The following CAMK1D variants were observed in gnomAD, a reference collection of about 807,000 sequenced individuals.
CAMK1D encodes calcium/calmodulin-dependent protein kinase type 1D.
In CAMK1D, 9 loss-of-function variants were observed where a neutral mutation model predicts 47.7. That is an observed-to-expected ratio of 0.19 (90% CI 0.11 to 0.33). The LOEUF (loss-of-function observed/expected upper bound fraction) is 0.33. Ranked by LOEUF, CAMK1D falls within the 10% of genes least tolerant of loss-of-function variation. The pLI is 1.00. For synonymous variants in CAMK1D, 184 were observed against 184.9 expected, an observed-to-expected ratio of 0.99 and a Z score of 0.04; for missense variants, 291 against 488.7, an observed-to-expected ratio of 0.60 and a Z score of 3.81.
chr10:12,380,652 C>T (rs187107232), intron 1 of CAMK1D, among the ~76,000 whole-genome samples: 6 of 152,096 alleles, frequency 3.9e-5, no homozygotes, highest in East Asian at 1.9e-4. Flanking sequence ...GGTCAGAGAT[C>T]GAGACCATCC....
chr10:12,745,100 G>A (rs1302612463), intron 3 of CAMK1D, among the ~76,000 whole-genome samples: 3 of 152,196 alleles, frequency 2.0e-5, no homozygotes, highest in Non-Finnish European at 4.4e-5. Flanking sequence ...GCGCAATCTC[G>A]GCTCACTGCA....
At chr10:12,797,727 C>T (rs1164139636) in intron 6 of CAMK1D, among the ~76,000 whole-genome samples, 1 of 152,270 alleles carries the variant, frequency 6.6e-6, no homozygotes, top group East Asian at 1.9e-4. Context: ...CCATCACATT[C>T]TCTGCCGAGT....
chr10:12,468,644 C>G (rs1435435617), intron 1 of CAMK1D, among the ~76,000 whole-genome samples: 1 of 152,166 alleles, frequency 6.6e-6, no homozygotes, highest in Admixed American at 6.5e-5. Context: ...TGGGGAGGGG[C>G]CAGCCCTCTG....
At chr10:12,484,876 G>A (rs1834167770) in intron 1 of CAMK1D, among the ~76,000 whole-genome samples, 2 of 152,110 alleles carry the variant, frequency 1.3e-5, no homozygotes, top group African/African-American at 4.8e-5. Flanking sequence ...GGGCAGGTGT[G>A]ATGACCAGGA....
In CAMK1D at chr10:12,832,464, A is replaced by C. The variant is rs1349203165; in HGVS notation, c.*3577A>C. 1 of 152,228 alleles carries C rather than the reference A, an allele frequency of 6.6e-6. No homozygotes were observed. The highest frequency in any genetic ancestry group is 6.5e-5 in the Admixed American group (1 of 15,286). 9.4% of individuals were successfully genotyped at this position (152,228 alleles called of 1,614,324 possible). On this transcript the variant is annotated 3_prime_UTR_variant, in exon 11 of 11. Coordinates refer to ENST00000619168, the MANE Select transcript of CAMK1D (RefSeq NM_153498.4). The stretch of plus-strand genomic sequence containing the variant: ...GAGGAGAGACGGGGTTTGCTGTGTT[A>C]GAGAAATGGCAACCCCCAGGACCAT...
At chr10:12,756,416 C>T (rs900655336) in intron 3 of CAMK1D, among the ~76,000 whole-genome samples, 3 of 152,160 alleles carry the variant, frequency 2.0e-5, no homozygotes, top group Non-Finnish European at 2.9e-5. Flanking sequence ...ACCACTGTGT[C>T]GTCAGAGCTG....
intron 6 of CAMK1D, among the ~76,000 whole-genome samples, chr10:12,801,222 T>TATCCATCCATCC (rs55994840): frequency 6.7e-5 from 10 of 149,246 alleles, no homozygotes; most frequent in African/African-American, 2.5e-4. Flanking sequence ...ACATCTCTAG[T>TATCCATCCATCC]ATCCATCCAT....
At chr10:12,753,291 A>G (rs1836072883) in intron 3 of CAMK1D, among the ~76,000 whole-genome samples, 1 of 152,222 alleles carries the variant, frequency 6.6e-6, no homozygotes, top group South Asian at 2.1e-4. Flanking sequence ...GCTAATTACA[A>G]AATATTTTCA....
chr10:12,790,075 A>G (rs777462077), intron 5 of CAMK1D, among the ~76,000 whole-genome samples: 12 of 152,380 alleles, frequency 7.9e-5, no homozygotes, highest in Non-Finnish European at 1.6e-4. Flanking sequence ...AACAAGCCCC[A>G]AGGCCAGTAA....
chr10:12,423,883 T>C (rs1429902504), intron 1 of CAMK1D, among the ~76,000 whole-genome samples: 2 of 152,180 alleles, frequency 1.3e-5, no homozygotes, highest in African/African-American at 4.8e-5. Flanking sequence ...GCCTTGTGCT[T>C]GAGCCTCAGT....
At chr10:12,357,223 G>A (rs1158202724) in intron 1 of CAMK1D, among the ~76,000 whole-genome samples, 1 of 151,946 alleles carries the variant, frequency 6.6e-6, no homozygotes, top group Non-Finnish European at 1.5e-5. Context: ...CCAGGCTGGA[G>A]CGCAGTGGTC....
chr10:12,640,947 T>G (rs1839648640), intron 2 of CAMK1D, among the ~76,000 whole-genome samples: 1 of 152,198 alleles, frequency 6.6e-6, no homozygotes, highest in African/African-American at 2.4e-5. Context: ...TCTTTTGGCT[T>G]AAAATACAGT....
At chr10:12,601,647 A>G (rs1838306524) in intron 2 of CAMK1D, among the ~76,000 whole-genome samples, 1 of 152,146 alleles carries the variant, frequency 6.6e-6, no homozygotes, top group South Asian at 2.1e-4. Context: ...TATTTTTAGT[A>G]GAGACGGGGT....
At chr10:12,820,943 A>G (rs1302836771) in intron 8 of CAMK1D, among the ~76,000 whole-genome samples, 1 of 152,240 alleles carries the variant, frequency 6.6e-6, no homozygotes, top group South Asian at 2.1e-4. Flanking sequence ...CCTCCAGCTC[A>G]GTGGTTCTGA....
At chr10:12,594,048 T>C (rs1410458391) in intron 2 of CAMK1D, among the ~76,000 whole-genome samples, 1 of 152,012 alleles carries the variant, frequency 6.6e-6, no homozygotes, top group East Asian at 1.9e-4. Flanking sequence ...TGGTGGCACA[T>C]GCCTGTAATC....
intron 2 of CAMK1D, among the ~76,000 whole-genome samples, chr10:12,565,153 G>C (rs1035013997): frequency 2.0e-5 from 3 of 152,168 alleles, no homozygotes; most frequent in Non-Finnish European, 4.4e-5. Context: ...TGAGGCTTTA[G>C]GGAGCTATGA....
intron 5 of CAMK1D, among the ~76,000 whole-genome samples, chr10:12,785,273 T>G (rs2482049): frequency 0.99 from 150,642 of 152,292 alleles, 74,531 homozygotes; most frequent in Middle Eastern, 1. Flanking sequence ...TTCTGTTGTG[T>G]CTGGGCCAGG....
At chr10:12,769,635 A>C in intron 4 of CAMK1D, 38 bp from the exon 5 acceptor site, 2 of 1,610,238 alleles carry the variant, frequency 1.2e-6, no homozygotes, top group African/African-American at 1.3e-5. Flanking sequence ...CCAGCTTTAC[A>C]CGTAGTTTGT....
At chr10:12,709,067 C>G (rs1267731314) in intron 3 of CAMK1D, among the ~76,000 whole-genome samples, 1 of 152,226 alleles carries the variant, frequency 6.6e-6, no homozygotes, top group Non-Finnish European at 1.5e-5. Flanking sequence ...GGTGGCTACC[C>G]AGGTCCAAGC....
Sources: allele counts gnomAD v4.1 joint callset (sites outside exome capture counted in the v4.1 genomes callset), GRCh38; gene constraint gnomAD v4.1.1; transcripts MANE v1.5; gene names NCBI Gene and HGNC (gene_info 2026-07-23, HGNC 2026-07-21).